The following PELI2 variants were observed in gnomAD, a reference collection of about 807,000 sequenced individuals.
The protein encoded by PELI2 is pellino E3 ubiquitin protein ligase family member 2, also known as E3 ubiquitin-protein ligase pellino homolog 2.
A neutral mutation model predicts 42.3 loss-of-function variants in PELI2; 23 were observed. That is an observed-to-expected ratio of 0.54 (90% CI 0.39 to 0.77). PELI2 has a LOEUF of 0.77. Ranked by LOEUF, PELI2 falls within the 30% of genes least tolerant of loss-of-function variation. PELI2 has a pLI of 0.00. For missense variants in PELI2, 463 were observed against 553.2 expected (o/e 0.84, Z 1.64); for synonymous variants, 245 against 212.2 (o/e 1.15, Z -1.34).
chr14:56,283,762 T>C (rs2139882796), intron 3 of PELI2, among the ~76,000 whole-genome samples: 1 of 152,300 alleles, frequency 6.6e-6, no homozygotes. Flanking sequence ...TAAAGTATGG[T>C]AAGCCAAGCA....
At chr14:56,195,759 A>G (rs1886108295) in intron 2 of PELI2, among the ~76,000 whole-genome samples, 1 of 152,208 alleles carries the variant, frequency 6.6e-6, no homozygotes, top group African/African-American at 2.4e-5. Context: ...GAGCGGTTCT[A>G]CAGAGATCTT....
At chr14:56,138,989 A>G (rs1298455924) in intron 1 of PELI2, among the ~76,000 whole-genome samples, 1 of 152,220 alleles carries the variant, frequency 6.6e-6, no homozygotes, top group Non-Finnish European at 1.5e-5. Context: ...TGGGGATTAC[A>G]TGTGATTCAA....
chr14:56,131,381 C>T (rs1392083710), intron 1 of PELI2, among the ~76,000 whole-genome samples: 2 of 152,144 alleles, frequency 1.3e-5, no homozygotes, highest in African/African-American at 4.8e-5. Flanking sequence ...GTACATATGA[C>T]CCAGAGTTTC....
chr14:56,199,750 A>G (rs990455683), intron 2 of PELI2, among the ~76,000 whole-genome samples: 5 of 152,370 alleles, frequency 3.3e-5, no homozygotes, highest in South Asian at 2.1e-4. Flanking sequence ...AATATGTATG[A>G]TAAACCAGCC....
At chr14:56,171,813 C>T (rs1048618800) in intron 1 of PELI2, among the ~76,000 whole-genome samples, 2 of 151,994 alleles carry the variant, frequency 1.3e-5, no homozygotes, top group African/African-American at 2.4e-5. Flanking sequence ...GTCAGGAGTT[C>T]GAAACCAGCC....
intron 4 of PELI2, 81 bp from the exon 5 acceptor site, chr14:56,290,187 A>G (rs552706727): frequency 9.3e-5 from 102 of 1,094,810 alleles, no homozygotes; most frequent in Middle Eastern, 2.2e-4. Context: ...CCTCTATGCA[A>G]TGTATTAAAG....
intron 1 of PELI2, among the ~76,000 whole-genome samples, chr14:56,130,804 A>G (rs1280714963): frequency 6.6e-6 from 1 of 152,298 alleles, no homozygotes. Flanking sequence ...ATCCAAAGTA[A>G]TAAGTTCATT....
At chr14:56,120,904 T>C (rs1883036828) in intron 1 of PELI2, among the ~76,000 whole-genome samples, 4 of 152,124 alleles carry the variant, frequency 2.6e-5, no homozygotes, top group Admixed American at 2.6e-4. Context: ...ATTGTGGTAT[T>C]TTTCTTTTTT....
At chr14:56,276,938 C>A (rs1240541754) in intron 2 of PELI2, among the ~76,000 whole-genome samples, 1 of 152,182 alleles carries the variant, frequency 6.6e-6, no homozygotes, top group East Asian at 1.9e-4. Flanking sequence ...TAAGACTCCC[C>A]TTTGCTGTGG....
At chr14:56,132,221 G>T (rs1320523274) in intron 1 of PELI2, among the ~76,000 whole-genome samples, 1 of 152,130 alleles carries the variant, frequency 6.6e-6, no homozygotes, top group African/African-American at 2.4e-5. Context: ...GTCAGTAAAG[G>T]ATTTTGAAGT....
intron 2 of PELI2, among the ~76,000 whole-genome samples, chr14:56,179,706 G>C (rs768249803): frequency 7.9e-5 from 12 of 152,186 alleles, no homozygotes; most frequent in Non-Finnish European, 1.5e-4. Context: ...AGAATCTTAA[G>C]AGGTCAAGGA....
chr14:56,216,873 G>A (rs1886925389), intron 2 of PELI2, among the ~76,000 whole-genome samples: 1 of 152,178 alleles, frequency 6.6e-6, no homozygotes, highest in Admixed American at 6.5e-5. Flanking sequence ...AGGCTGATTA[G>A]CATGCAATGT....
chr14:56,187,654 A>T (rs1013759756), intron 2 of PELI2, among the ~76,000 whole-genome samples: 12 of 152,294 alleles, frequency 7.9e-5, no homozygotes, highest in Admixed American at 7.8e-4. Flanking sequence ...TTTCTGAAAA[A>T]GTACTTTATC....
intron 2 of PELI2, among the ~76,000 whole-genome samples, chr14:56,218,604 T>A (rs1886997769): frequency 6.6e-6 from 1 of 152,220 alleles, no homozygotes; most frequent in Non-Finnish European, 1.5e-5. Context: ...TTATTTTCCC[T>A]AGGAGATGGA....
intron 1 of PELI2, among the ~76,000 whole-genome samples, chr14:56,144,646 A>G (rs1007159478): frequency 3.3e-5 from 5 of 152,258 alleles, no homozygotes; most frequent in East Asian, 3.8e-4. Flanking sequence ...TATAGTTACA[A>G]AATTGCTAAT....
rs370914521 is a variant in PELI2 at position 56,192,920 on chromosome 14, T to C, written c.207+14456T>C. ...CACAGAATGGAGACCTAAGGGGTAA[T>C]AATAAGTGAGAAAATTTCTTAACAA... On this transcript the variant is annotated intron_variant, in intron 2 of 5. Transcript: ENST00000267460. 9.2e-5 allele frequency among the ~76,000 whole-genome samples: 14 copies of C among 152,360 alleles called. No individual in the cohort carries two copies. The South Asian group carries it at 2.7e-3, about 29-fold the overall frequency.
chr14:56,125,451 G>A (rs1883220633), intron 1 of PELI2, among the ~76,000 whole-genome samples: 1 of 152,014 alleles, frequency 6.6e-6, no homozygotes, highest in East Asian at 1.9e-4. Flanking sequence ...AAATGCTAGG[G>A]ATAAGGTAGT....
intron 2 of PELI2, among the ~76,000 whole-genome samples, chr14:56,234,989 C>T (rs1353306558): frequency 3.3e-5 from 5 of 152,274 alleles, no homozygotes; most frequent in East Asian, 1.9e-4. Context: ...GAAGCCTTTT[C>T]CTTCCTACTA....
intron 3 of PELI2, among the ~76,000 whole-genome samples, chr14:56,284,507 C>T (rs1361792541): frequency 1.3e-5 from 2 of 152,152 alleles, no homozygotes; most frequent in African/African-American, 4.8e-5. Flanking sequence ...GAACGCGGTG[C>T]TACAAGGCCT....
Sources: allele counts gnomAD v4.1 joint callset (sites outside exome capture counted in the v4.1 genomes callset), GRCh38; gene constraint gnomAD v4.1.1; transcripts MANE v1.5; gene names NCBI Gene and HGNC (gene_info 2026-07-23, HGNC 2026-07-21).